The following UBR3 variants were observed in gnomAD, a reference collection of about 807,000 sequenced individuals.
UBR3 encodes the protein ubiquitin protein ligase E3 component n-recognin 3.
In UBR3, 85 loss-of-function variants were observed where a neutral mutation model predicts 243.2. That is an observed-to-expected ratio of 0.35 (90% CI 0.29 to 0.42). The LOEUF (loss-of-function observed/expected upper bound fraction) is 0.42. UBR3 is among the 10% of genes least tolerant of loss of function. The pLI, the probability that UBR3 is intolerant of heterozygous loss-of-function variation, is 1.00. For synonymous variants in UBR3, 748 were observed against 799.8 expected, an observed-to-expected ratio of 0.94 and a Z score of 1.09; for missense variants, 1,686 against 2,300.8, an observed-to-expected ratio of 0.73 and a Z score of 5.47.
At chr2:169,974,658 T>G (rs2088339067) in intron 24 of UBR3, among the ~76,000 whole-genome samples, 1 of 152,172 alleles carries the variant, frequency 6.6e-6, no homozygotes, top group African/African-American at 2.4e-5. Context: ...ATTTTATTTA[T>G]TTCAGCTCTG....
At chr2:170,078,201 C>A in intron 36 of UBR3, 1 of 521,562 alleles carries the variant, frequency 1.9e-6, no homozygotes. Context: ...TGTTCATAAG[C>A]CTCTCAACTT....
chr2:169,865,654 C>G (rs1411718378), intron 1 of UBR3, among the ~76,000 whole-genome samples: 1 of 152,196 alleles, frequency 6.6e-6, no homozygotes, highest in Admixed American at 6.5e-5. Flanking sequence ...AATCCTTTCT[C>G]TTTCTGCTTT....
intron 32 of UBR3, among the ~76,000 whole-genome samples, chr2:170,048,190 T>G (rs1209995733): frequency 6.6e-6 from 1 of 152,128 alleles, no homozygotes; most frequent in African/African-American, 2.4e-5. Flanking sequence ...TTAATCACAT[T>G]TAGCCAATCA....
At chr2:170,064,283 T>TTTCAG (rs989611957) in intron 35 of UBR3, among the ~76,000 whole-genome samples, 2 of 152,190 alleles carry the variant, frequency 1.3e-5, no homozygotes, top group African/African-American at 4.8e-5. Flanking sequence ...AATAGAAATT[T>TTTCAG]TTCAGTTTAA....
Position 169,895,243 on chromosome 2 carries a change from A to T in UBR3, c.1168A>T (p.Ile390Leu). 6.5e-7 allele frequency: 1 copy of T among 1,546,438 alleles called. No individual in the cohort carries two copies. Among genetic ancestry groups the T allele is most frequent in the East Asian group, 2.5e-5 (1 of 40,726 alleles). Residue 390 changes from isoleucine (I) to leucine (L), a missense_variant, in exon 7 of 39, where the codon ATA (isoleucine) becomes TTA (leucine). Ile to Leu is a conservative substitution (Grantham distance 5). This residue lies in a region of UBR3 where 200 missense variants were observed against 231.6 expected (regional missense o/e 0.86). Coordinates refer to ENST00000272793, the MANE Select transcript of UBR3 (RefSeq NM_172070.4). ...SFLEELLFWT[I>L]KYEFPQKMVT... ...CCTAGAAGAACTATTATTTTGGACT[A>T]TAAAATATGAATTCCCTCAAAAGAT...
intron 1 of UBR3, among the ~76,000 whole-genome samples, chr2:169,861,466 G>A (rs775498655): frequency 6.6e-6 from 1 of 152,062 alleles, no homozygotes; most frequent in Admixed American, 6.5e-5. Flanking sequence ...AAATTAGCTG[G>A]GTGTAGTGGC....
At chr2:170,051,885 C>G (rs75800457) in intron 32 of UBR3, among the ~76,000 whole-genome samples, 2 of 152,132 alleles carry the variant, frequency 1.3e-5, no homozygotes, top group Non-Finnish European at 2.9e-5. Flanking sequence ...TCATTTCCTA[C>G]TCATTTTCAG....
chr2:169,913,751 G>A (rs1284197303), intron 10 of UBR3, among the ~76,000 whole-genome samples: 2 of 150,822 alleles, frequency 1.3e-5, no homozygotes, highest in African/African-American at 2.4e-5. Context: ...TGACATTAGG[G>A]AATTTATAAT....
At chr2:169,987,250 C>T (rs1011402582) in intron 25 of UBR3, among the ~76,000 whole-genome samples, 1 of 151,408 alleles carries the variant, frequency 6.6e-6, no homozygotes, top group East Asian at 1.9e-4. Flanking sequence ...AAATATTGGC[C>T]GGTGTGGTGG....
At chr2:169,924,772 C>T (rs1428993059) in intron 13 of UBR3, among the ~76,000 whole-genome samples, 2 of 152,098 alleles carry the variant, frequency 1.3e-5, no homozygotes, top group African/African-American at 4.8e-5. Context: ...TGGTGGCTCA[C>T]GCCTGTAATT....
chr2:170,050,533 G>A (rs761315682), intron 32 of UBR3, among the ~76,000 whole-genome samples: 2 of 152,060 alleles, frequency 1.3e-5, no homozygotes, highest in Non-Finnish European at 2.9e-5. Flanking sequence ...TGCTTCTAAG[G>A]CATTTCAAGT....
chr2:169,955,907 T>C (rs1166354806), intron 23 of UBR3, among the ~76,000 whole-genome samples: 1 of 150,948 alleles, frequency 6.6e-6, no homozygotes, highest in Admixed American at 6.6e-5. Flanking sequence ...CCCCAGTCCA[T>C]GTGTTTATTC....
At chr2:169,962,453 C>T (rs981061459) in intron 24 of UBR3, among the ~76,000 whole-genome samples, 3 of 152,064 alleles carry the variant, frequency 2.0e-5, no homozygotes, top group African/African-American at 2.4e-5. Context: ...CACTAAGCTG[C>T]TCCCAGATGC....
At chr2:169,929,162 A>T (rs988083111) in intron 18 of UBR3, among the ~76,000 whole-genome samples, 1 of 152,232 alleles carries the variant, frequency 6.6e-6, no homozygotes, top group African/African-American at 2.4e-5. Flanking sequence ...AATGAACCAG[A>T]AACTATAAAA....
At chr2:169,940,274 T>G (rs1191709126) in intron 19 of UBR3, among the ~76,000 whole-genome samples, 3 of 152,154 alleles carry the variant, frequency 2.0e-5, no homozygotes, top group African/African-American at 7.2e-5. Flanking sequence ...GGCTATGTAT[T>G]TCCTTCTAAG....
chr2:169,889,207 C>T (rs1574130679), intron 5 of UBR3, among the ~76,000 whole-genome samples: 4 of 152,186 alleles, frequency 2.6e-5, no homozygotes, highest in South Asian at 2.1e-4. Context: ...AGACTTTTGT[C>T]TTTTGCCTTT....
At chr2:170,054,814 T>C (rs955071275) in intron 32 of UBR3, among the ~76,000 whole-genome samples, 7 of 152,016 alleles carry the variant, frequency 4.6e-5, no homozygotes, top group South Asian at 2.1e-4. Context: ...AACGTTGTTA[T>C]TGAGCATGTG....
Position 170,080,605 on chromosome 2 carries a change from A to G in UBR3, c.5470A>G (p.Ile1824Val). 6.2e-7 allele frequency: 1 copy of G among 1,614,044 alleles called. No individual in the cohort carries two copies. The highest frequency in any genetic ancestry group is 8.5e-7 in the Non-Finnish European group (1 of 1,179,958). Residue 1824 changes from isoleucine (I) to valine (V), a missense_variant, in exon 38 of 39, where the codon ATC (isoleucine) becomes GTC (valine). Ile to Val is a conservative substitution (Grantham distance 29). Transcript: ENST00000272793. ...CCTTTTGATCAATGCATCGGTAATT[A>G]TCATCATTCGAGGTCACCGCTTCTG... ...IFLLINASVIIIIRGHRFCLW... is the reference protein window; with the variant it reads ...IFLLINASVIVIIRGHRFCLW...
At chr2:169,965,507 A>G (rs929368831) in intron 24 of UBR3, among the ~76,000 whole-genome samples, 6 of 152,190 alleles carry the variant, frequency 3.9e-5, no homozygotes, top group African/African-American at 1.4e-4. Flanking sequence ...TAAGCACAGT[A>G]AGAGATTAGC....
Sources: gnomAD v4.1 joint callset for allele counts (sites outside exome capture counted in the v4.1 genomes callset) on GRCh38, gnomAD v4.1.1 for gene constraint, gnomAD v4.1.1 regional missense constraint, MANE v1.5 for transcripts, NCBI Gene and HGNC (gene_info 2026-07-23, HGNC 2026-07-21) for gene names.